Variants in COX7B2 observed in about 807,000 individuals in gnomAD.
The protein encoded by COX7B2 is cytochrome c oxidase subunit 7B2, mitochondrial.
For missense variants in COX7B2, 109 were observed against 95.9 expected (o/e 1.14, Z -0.57); for synonymous variants, 37 against 32.1 (o/e 1.15, Z -0.51).
At chr4:46,828,739 T>C (rs1385317833) in intron 2 of COX7B2, among the ~76,000 whole-genome samples, 1 of 152,064 alleles carries the variant, frequency 6.6e-6, no homozygotes, top group Non-Finnish European at 1.5e-5. Context: ...AATGAAAACA[T>C]GAACACATCA....
chr4:46,837,991 T>C (rs1482170670), intron 2 of COX7B2, among the ~76,000 whole-genome samples: 1 of 152,010 alleles, frequency 6.6e-6, no homozygotes, highest in Non-Finnish European at 1.5e-5. Flanking sequence ...AACATAGATA[T>C]TTATGGAATC....
chr4:46,850,371 G>A (rs1393690367), intron 1 of COX7B2, among the ~76,000 whole-genome samples: 3 of 151,902 alleles, frequency 2.0e-5, no homozygotes, highest in Non-Finnish European at 4.4e-5. Context: ...TTGTGTTATT[G>A]ACACCTCAGT....
At chr4:46,905,039 T>C (rs560254071) in intron 1 of COX7B2, among the ~76,000 whole-genome samples, 331 of 152,294 alleles carry the variant, frequency 2.2e-3, no homozygotes, top group South Asian at 3.7e-3. Context: ...TCGAGCCTAT[T>C]TTTAAAATGG....
chr4:46,756,282 T>C (rs952241301), intron 2 of COX7B2, among the ~76,000 whole-genome samples: 3 of 152,052 alleles, frequency 2.0e-5, no homozygotes, highest in Non-Finnish European at 4.4e-5. Context: ...ACTGTAACCA[T>C]ATTTCTCACC....
At chr4:46,821,401 A>G (rs1398997916) in intron 2 of COX7B2, among the ~76,000 whole-genome samples, 1 of 152,340 alleles carries the variant, frequency 6.6e-6, no homozygotes, top group East Asian at 1.9e-4. Context: ...ATTTGACTCT[A>G]TGTGTTAACA....
intron 2 of COX7B2, among the ~76,000 whole-genome samples, chr4:46,759,275 T>G (rs1425387467): frequency 6.6e-6 from 1 of 152,118 alleles, no homozygotes; most frequent in Non-Finnish European, 1.5e-5. Flanking sequence ...GTCCTTCAGA[T>G]AATGTAATTG....
chr4:46,785,522 GCCA>G (rs1293487291), intron 2 of COX7B2, among the ~76,000 whole-genome samples: 1 of 151,886 alleles, frequency 6.6e-6, no homozygotes, highest in Non-Finnish European at 1.5e-5. Context: ...ACAGGCACCC[GCCA>G]CCACACCCGG....
chr4:46,895,103 G>A (rs1719670439), intron 1 of COX7B2, among the ~76,000 whole-genome samples: 2 of 152,106 alleles, frequency 1.3e-5, no homozygotes. Flanking sequence ...GCTAAAAACA[G>A]AACTAACATT....
At chr4:46,822,777 G>A (rs550911291) in intron 2 of COX7B2, among the ~76,000 whole-genome samples, 2 of 152,176 alleles carry the variant, frequency 1.3e-5, no homozygotes, top group African/African-American at 2.4e-5. Flanking sequence ...AAGGGTTCAT[G>A]AATGTAGACA....
intron 2 of COX7B2, among the ~76,000 whole-genome samples, chr4:46,831,590 C>A (rs1715104954): frequency 6.6e-6 from 1 of 152,160 alleles, no homozygotes; most frequent in Admixed American, 6.5e-5. Flanking sequence ...CTGTACCTAG[C>A]TCAAGGTTTG....
intron 2 of COX7B2, among the ~76,000 whole-genome samples, chr4:46,784,108 T>C (rs1717624499): frequency 6.6e-6 from 1 of 152,186 alleles, no homozygotes; most frequent in Non-Finnish European, 1.5e-5. Context: ...CTCTGCTATA[T>C]AACCCAGTTC....
chr4:46,795,800 A>G (rs1295739941), intron 2 of COX7B2, among the ~76,000 whole-genome samples: 34 of 17,210 alleles, frequency 2.0e-3, no homozygotes, highest in Non-Finnish European at 2.8e-3. Context: ...CAGTATGGCC[A>G]TTTTCACGAT....
chr4:46,906,556 AAC>A (rs1720403777), intron 1 of COX7B2, among the ~76,000 whole-genome samples: 1 of 152,198 alleles, frequency 6.6e-6, no homozygotes, highest in Non-Finnish European at 1.5e-5. Flanking sequence ...TCTCTTCTCC[AAC>A]ACACATAGCA....
intron 2 of COX7B2, among the ~76,000 whole-genome samples, chr4:46,808,042 T>C (rs1719093957): frequency 6.6e-6 from 1 of 151,874 alleles, no homozygotes; most frequent in Non-Finnish European, 1.5e-5. Context: ...AAAGTTGTTG[T>C]TTCTATTTTT....
intron 2 of COX7B2, among the ~76,000 whole-genome samples, chr4:46,818,863 T>C (rs1714048884): frequency 6.6e-6 from 1 of 152,236 alleles, no homozygotes; most frequent in South Asian, 2.1e-4. Flanking sequence ...CTAACGACTT[T>C]AGATATGCCA....
chr4:46,817,023 G>A (rs1055411511), intron 2 of COX7B2, among the ~76,000 whole-genome samples: 3 of 152,162 alleles, frequency 2.0e-5, no homozygotes, highest in Admixed American at 1.3e-4. Flanking sequence ...TTCAGCAGCT[G>A]CTCATGCTAC....
intron 2 of COX7B2, among the ~76,000 whole-genome samples, chr4:46,776,416 G>GTGTC (rs1239350188): frequency 6.6e-6 from 1 of 151,640 alleles, no homozygotes; most frequent in African/African-American, 2.4e-5. Flanking sequence ...GTGTGTGTGT[G>GTGTC]TGTGTGTCTG....
At chr4:46,819,101 A>G (rs548355165) in intron 2 of COX7B2, among the ~76,000 whole-genome samples, 1 of 152,356 alleles carries the variant, frequency 6.6e-6, no homozygotes, top group African/African-American at 2.4e-5. Context: ...GCCTTTTTAA[A>G]AAACCATGTA....
chr4:46,860,985 G>A (rs1717302729), intron 1 of COX7B2, among the ~76,000 whole-genome samples: 1 of 152,136 alleles, frequency 6.6e-6, no homozygotes, highest in Admixed American at 6.5e-5. Flanking sequence ...GGTGCTGCAG[G>A]TTTTTCAGCA....
Sources: gnomAD v4.1 joint callset for allele counts (sites outside exome capture counted in the v4.1 genomes callset) on GRCh38, gnomAD v4.1.1 for gene constraint, MANE v1.5 for transcripts, NCBI Gene and HGNC (gene_info 2026-07-23, HGNC 2026-07-21) for gene names.